TEX10: variants seen among roughly 807,000 people sequenced by gnomAD.
The protein encoded by TEX10 is testis expressed 10.
Under a neutral mutation model 104.4 loss-of-function variants are expected in TEX10, and 24 were observed. That is an observed-to-expected ratio of 0.23 (90% CI 0.17 to 0.32). The LOEUF is 0.32. Among genes scored for constraint, TEX10 ranks in the 10% least tolerant of loss-of-function variants. The probability of loss-of-function intolerance (pLI) is 1.00; values close to 1 mark genes in which losing one functional copy is unlikely to be tolerated. For missense variants in TEX10, 921 were observed against 1,083.9 expected (o/e 0.85, Z 2.11); for synonymous variants, 396 against 393.4 (o/e 1.01, Z -0.08).
chr9:100,309,517 T>C (rs1010513500), intron 12 of TEX10, among the ~76,000 whole-genome samples: 4 of 151,286 alleles, frequency 2.6e-5, no homozygotes, highest in Admixed American at 2.6e-4. Context: ...GGAGTGGAGG[T>C]AGGGAAAAAA....
In TEX10 at chr9:100,352,895, G is replaced by C; in HGVS notation, c.-133C>G. 3 of 992,720 alleles carry C rather than the reference G, an allele frequency of 3.0e-6. No individual in the cohort carries two copies. Among genetic ancestry groups the C allele is most frequent in the Non-Finnish European group, 1.2e-6 (1 of 835,418 alleles). 61.5% of individuals were successfully genotyped at this position (992,720 alleles called of 1,614,324 possible). A position where few individuals can be genotyped will look rare whatever the true frequency, so the allele number is the denominator to read the frequency against. ...AGCTCCCGGAGCGTGTTTTCAAATA[G>C]CCTCGTCCTCACGCGGCCGCGTCTC... On this transcript the variant is annotated 5_prime_UTR_variant, in exon 1 of 15. Coordinates refer to ENST00000374902, the MANE Select transcript of TEX10 (RefSeq NM_017746.4).
rs181338997 is a variant in TEX10, at chr9:100,329,290, A to C, written c.1490-15T>G. ...CTCTGTGTCCTCTACAAACAGAAAG[A>C]AAACAACTTGCATATGAATCAAAAA... On this transcript the variant is annotated splice_polypyrimidine_tract_variant and intron_variant, in intron 6 of 14. Coordinates refer to ENST00000374902, the MANE Select transcript of TEX10 (RefSeq NM_017746.4). 2.9e-4 allele frequency: 461 copies of C among 1,587,200 alleles called. 5 individuals are homozygous for C. The East Asian group carries it at 9.3e-3, about 32-fold the overall frequency.
At chr9:100,352,132 C>T (rs1319750145) in intron 1 of TEX10, among the ~76,000 whole-genome samples, 1 of 152,192 alleles carries the variant, frequency 6.6e-6, no homozygotes, top group African/African-American at 2.4e-5. Flanking sequence ...TTTCCACCTT[C>T]TTTTCCAAAA....
rs1229997952 is a variant in TEX10 at position 100,330,040 on chromosome 9, TATC to T, written c.1377_1379del (p.Met459del). Reference sequence around the variant, plus strand: ...CAAGGGTCTCTGTTACAAATTTCCTTATCATTTCTATCCAACTGCAATCCTTCT... The same window carrying T: ...CAAGGGTCTCTGTTACAAATTTCCTTATTTCTATCCAACTGCAATCCTTCT... On this transcript the variant is annotated inframe_deletion, in exon 6 of 15. Transcript: ENST00000374902. 2 of 1,614,054 alleles carry T rather than the reference TATC, an allele frequency of 1.2e-6. No homozygotes were observed. Among genetic ancestry groups the T allele is most frequent in the African/African-American group, 2.7e-5 (2 of 74,940 alleles).
rs1835499631 is a variant in TEX10, at chr9:100,352,895, GC to G, written c.-134del. 1 of 992,720 alleles carries G rather than the reference GC, an allele frequency of 1.0e-6. No individual in the cohort carries two copies. 61.5% of individuals were successfully genotyped at this position (992,720 alleles called of 1,614,324 possible). A position where few individuals can be genotyped will look rare whatever the true frequency, so the allele number is the denominator to read the frequency against. On this transcript the variant is annotated 5_prime_UTR_variant, in exon 1 of 15. Coordinates refer to ENST00000374902, the MANE Select transcript of TEX10 (RefSeq NM_017746.4). The stretch of plus-strand genomic sequence containing the variant: ...AGCTCCCGGAGCGTGTTTTCAAATA[GC>G]CTCGTCCTCACGCGGCCGCGTCTCC...
intron 1 of TEX10, 169 bp downstream of exon 1, chr9:100,352,603 G>A (rs374731232): frequency 5.0e-5 from 74 of 1,493,032 alleles, no homozygotes; most frequent in Non-Finnish European, 6.4e-5. Flanking sequence ...CGCAGTGCCG[G>A]CCGCACACCC....
chr9:100,329,910 G>A, intron 6 of TEX10, 21 bp downstream of exon 6: 1 of 1,582,630 alleles, frequency 6.3e-7, no homozygotes, highest in Non-Finnish European at 8.6e-7. Context: ...TCTTAAATAA[G>A]GGCAAAGTAG....
At position 100,307,701 on chromosome 9, in the gene TEX10, G is replaced by C. The variant is rs1038505493; in HGVS notation, c.2465+799C>G. 24 of 151,684 alleles carry C rather than the reference G, an allele frequency of 1.6e-4. 1 individual carries two copies. The highest frequency in any genetic ancestry group is 1.6e-3 in the Admixed American group (24 of 15,218). The allele number at this position is 151,684 out of a possible 1,614,324, so 9.4% of individuals were successfully genotyped here. A position where few individuals can be genotyped will look rare whatever the true frequency, so the allele number is the denominator to read the frequency against. On this transcript the variant is annotated intron_variant, in intron 13 of 14. Coordinates refer to ENST00000374902, the MANE Select transcript of TEX10 (RefSeq NM_017746.4). ...ACGTAGAAGACATTTAACTGTGCAG[G>C]GTACATTAACAGTATATGTGCTGAT... is the stretch of plus-strand genomic sequence containing the variant.
intron 13 of TEX10, 99 bp from the exon 14 acceptor site, chr9:100,303,941 T>C: frequency 8.5e-7 from 1 of 1,182,850 alleles, no homozygotes; most frequent in Non-Finnish European, 1.2e-6. Context: ...TTAAGGAACA[T>C]GTTTTCCAAT....
rs1835307693 is a variant in TEX10 at position 100,346,708 on chromosome 9, T to C, written c.879A>G (p.Ser293=). ...ENGGSQPNVS[S]QFRLRYLVGG... ...ATCCTTCTTACCGTAGCCTGAACTG[T>C]GAACTGACATTTGGCTGTGAACCCC... Residue 293 remains serine, a synonymous_variant, in exon 3 of 15, where the codon TCA becomes TCG. Coordinates refer to ENST00000374902, the MANE Select transcript of TEX10 (RefSeq NM_017746.4). 6.2e-7 allele frequency: 1 copy of C among 1,612,224 alleles called. No homozygotes were observed. The highest frequency in any genetic ancestry group is 8.5e-7 in the Non-Finnish European group (1 of 1,178,954).
rs1180404916 is a variant in TEX10 at position 100,302,377 on chromosome 9, C to CCAAA, written c.2677-77_2677-74dup. On this transcript the variant is annotated intron_variant, in intron 14 of 14. Transcript: ENST00000374902. ...TGCTACCTGACAGTATTTTTCACAC[C>CCAAA]CAAACACAATTTCCCAGAGCTTTGG... is the stretch of plus-strand genomic sequence containing the variant. 3 of 1,031,548 alleles carry CCAAA rather than the reference C, an allele frequency of 2.9e-6. No homozygotes were observed. The African/African-American group carries it at 4.8e-5, about 16-fold the overall frequency. The allele number at this position is 1,031,548 out of a possible 1,614,324, so 63.9% of individuals were successfully genotyped here.
At chr9:100,336,116 G>A (rs1222153237) in intron 5 of TEX10, among the ~76,000 whole-genome samples, 3 of 151,972 alleles carry the variant, frequency 2.0e-5, no homozygotes, top group Non-Finnish European at 2.9e-5. Context: ...GCAGTGAGCT[G>A]AGATAGTGCC....
chr9:100,302,688 CTCT>C (rs1834023005), intron 14 of TEX10, among the ~76,000 whole-genome samples: 1 of 152,164 alleles, frequency 6.6e-6, no homozygotes, highest in Non-Finnish European at 1.5e-5. Flanking sequence ...TTCTGTCAAT[CTCT>C]TCTTTACAAA....
At chr9:100,315,425 G>T (rs1290463540) in intron 11 of TEX10, among the ~76,000 whole-genome samples, 1 of 152,088 alleles carries the variant, frequency 6.6e-6, no homozygotes, top group Non-Finnish European at 1.5e-5. Flanking sequence ...GAATCTGGAT[G>T]CTCTGGTGTT....
At chr9:100,334,394 T>C (rs1460950881) in intron 5 of TEX10, among the ~76,000 whole-genome samples, 1 of 152,144 alleles carries the variant, frequency 6.6e-6, no homozygotes, top group Non-Finnish European at 1.5e-5. Context: ...AAATCTATAA[T>C]ATTAACCCTG....
Position 100,346,695 on chromosome 9 carries a change from G to A in TEX10, c.892C>T (p.Arg298Trp), listed in dbSNP as rs753435260. 6 of 1,605,998 alleles carry A rather than the reference G, an allele frequency of 3.7e-6. No individual in the cohort carries two copies. The highest frequency in any genetic ancestry group is 1.7e-4 in the Middle Eastern group (1 of 6,020). The part of the protein sequence containing the change: ...QPNVSSQFRL[R>W]YLVGGLSGVD... ...GGACATAACTGAAATCCTTCTTACC[G>A]TAGCCTGAACTGTGAACTGACATTT... Residue 298 changes from arginine (R) to tryptophan (W), a missense_variant and splice_region_variant, in exon 3 of 15, where the codon CGG becomes TGG. Arg to Trp is a moderately radical substitution (Grantham distance 101). Coordinates refer to ENST00000374902, the MANE Select transcript of TEX10 (RefSeq NM_017746.4).
intron 9 of TEX10, among the ~76,000 whole-genome samples, 194 bp from the exon 10 acceptor site, chr9:100,321,965 C>T (rs1047266108): frequency 2.0e-5 from 3 of 152,050 alleles, no homozygotes; most frequent in Admixed American, 6.6e-5. Context: ...GTTTGAAATT[C>T]AAACATATTA....
At chr9:100,310,193 T>C (rs1460013810) in intron 12 of TEX10, 106 bp downstream of exon 12, 12 of 892,666 alleles carry the variant, frequency 1.3e-5, no homozygotes, top group Non-Finnish European at 1.9e-5. Flanking sequence ...TATGATATCA[T>C]TAATCTTAGA....
At chr9:100,314,692 G>GT (rs1286305666) in intron 11 of TEX10, among the ~76,000 whole-genome samples, 1 of 151,912 alleles carries the variant, frequency 6.6e-6, no homozygotes, top group Non-Finnish European at 1.5e-5. Context: ...CCTTTGTATT[G>GT]TTTTTTGATC....
Sources: allele counts gnomAD v4.1 joint callset (sites outside exome capture counted in the v4.1 genomes callset), GRCh38; gene constraint gnomAD v4.1.1; transcripts MANE v1.5; gene names NCBI Gene and HGNC (gene_info 2026-07-23, HGNC 2026-07-21).